The following OPCML variants were observed in gnomAD, a reference collection of about 807,000 sequenced individuals.
The protein encoded by OPCML is opioid-binding protein/cell adhesion molecule.
OPCML carries 13 observed loss-of-function variants against 37.8 expected under a neutral mutation model. The observed-to-expected ratio is 0.34, with a 90% CI of 0.22 to 0.55. The LOEUF (loss-of-function observed/expected upper bound fraction) is 0.55. Ranked by LOEUF, OPCML falls within the 20% of genes least tolerant of loss-of-function variation. OPCML has a pLI of 0.91. For missense variants in OPCML, 341 were observed against 435.6 expected, an observed-to-expected ratio of 0.78 and a Z score of 1.93; for synonymous variants, 176 against 168.8, an observed-to-expected ratio of 1.04 and a Z score of -0.33.
At chr11:133,400,715 C>T (rs534200361) in intron 1 of OPCML, among the ~76,000 whole-genome samples, 1 of 152,294 alleles carries the variant, frequency 6.6e-6, no homozygotes, top group African/African-American at 2.4e-5. Context: ...CAGCTAGGAG[C>T]AGTCTCCAAT....
intron 1 of OPCML, among the ~76,000 whole-genome samples, chr11:133,452,038 A>C (rs1946590035): frequency 6.6e-6 from 1 of 151,542 alleles, no homozygotes; most frequent in East Asian, 1.9e-4. Flanking sequence ...AAATCAATAC[A>C]TTCAGAAGAG....
intron 1 of OPCML, among the ~76,000 whole-genome samples, chr11:133,252,267 C>G (rs1381983799): frequency 6.6e-6 from 1 of 152,154 alleles, no homozygotes; most frequent in Non-Finnish European, 1.5e-5. Flanking sequence ...ACGTACAGCA[C>G]AATCTCCAGC....
At chr11:133,432,900 T>C (rs1034240408) in intron 1 of OPCML, among the ~76,000 whole-genome samples, 2 of 152,092 alleles carry the variant, frequency 1.3e-5, no homozygotes, top group African/African-American at 4.8e-5. Context: ...AAAAGAAATG[T>C]TGGGAATTTC....
chr11:133,044,341 C>T (rs1415596099), intron 1 of OPCML, among the ~76,000 whole-genome samples: 1 of 152,122 alleles, frequency 6.6e-6, no homozygotes, highest in Non-Finnish European at 1.5e-5. Flanking sequence ...TAAGCAATGG[C>T]CAGATCACGC....
intron 2 of OPCML, among the ~76,000 whole-genome samples, chr11:132,834,454 G>A (rs1428168256): frequency 6.6e-6 from 1 of 152,218 alleles, no homozygotes. Flanking sequence ...CTGAAGGGTA[G>A]AAGTCCAAAC....
At chr11:132,869,611 A>T (rs113535930) in intron 2 of OPCML, among the ~76,000 whole-genome samples, 1,892 of 152,340 alleles carry the variant, frequency 0.012, 19 homozygotes, top group Middle Eastern at 0.068. Flanking sequence ...CTCAAGAAGA[A>T]ATACAAAAAA....
rs147425927 is a variant in OPCML, at chr11:132,691,158, C to T, written c.147-33839G>A. Among the ~76,000 whole-genome samples, 325 of 152,272 alleles carry T rather than the reference C, an allele frequency of 2.1e-3. 1 individual carries two copies. Among genetic ancestry groups the T allele is most frequent in the Middle Eastern group, 3.4e-3 (1 of 294 alleles). ...GAAACGGAGCCACAGATAATTTCTCCTTTGTTCTTAAGATTGCTTTATATA... is the reference window on the plus strand; with the variant it reads ...GAAACGGAGCCACAGATAATTTCTCTTTTGTTCTTAAGATTGCTTTATATA... On this transcript the variant is annotated intron_variant, in intron 2 of 7. Coordinates refer to ENST00000524381, the MANE Select transcript of OPCML (RefSeq NM_001012393.5).
At chr11:132,476,572 C>A (rs558476642) in intron 4 of OPCML, among the ~76,000 whole-genome samples, 5 of 152,128 alleles carry the variant, frequency 3.3e-5, no homozygotes, top group Non-Finnish European at 7.3e-5. Flanking sequence ...CCATCATTCT[C>A]AGCAAACTAT....
At chr11:132,794,856 A>G (rs996344830) in intron 2 of OPCML, among the ~76,000 whole-genome samples, 1 of 151,842 alleles carries the variant, frequency 6.6e-6, no homozygotes, top group Non-Finnish European at 1.5e-5. Flanking sequence ...GAGTGAACCC[A>G]ATTTGACCTA....
intron 1 of OPCML, among the ~76,000 whole-genome samples, chr11:133,022,827 A>T (rs1947478513): frequency 6.6e-6 from 1 of 152,198 alleles, no homozygotes; most frequent in African/African-American, 2.4e-5. Context: ...AAGCTTACCC[A>T]TTAATTCCAG....
At chr11:133,286,367 G>A (rs112339478) in intron 1 of OPCML, among the ~76,000 whole-genome samples, 158 of 151,104 alleles carry the variant, frequency 1.0e-3, no homozygotes, top group African/African-American at 3.6e-3. Flanking sequence ...CTACTCGGGA[G>A]GTTGAGGCAG....
chr11:132,690,378 A>G (rs1295491689), intron 2 of OPCML, among the ~76,000 whole-genome samples: 1 of 152,230 alleles, frequency 6.6e-6, no homozygotes, highest in Admixed American at 6.5e-5. Context: ...CTCTAACAAG[A>G]TTAGATAATG....
At chr11:132,854,533 A>G (rs1941969534) in intron 2 of OPCML, among the ~76,000 whole-genome samples, 2 of 152,174 alleles carry the variant, frequency 1.3e-5, no homozygotes, top group South Asian at 4.1e-4. Context: ...GCTAAGCAGG[A>G]GCCCCCAGCC....
chr11:132,904,563 C>T (rs1210210422), intron 2 of OPCML, among the ~76,000 whole-genome samples: 1 of 152,228 alleles, frequency 6.6e-6, no homozygotes, highest in Non-Finnish European at 1.5e-5. Flanking sequence ...CCTCTGGGAA[C>T]TGACTATTGC....
chr11:132,501,308 GA>G (rs1331290029), intron 4 of OPCML, among the ~76,000 whole-genome samples: 1 of 152,156 alleles, frequency 6.6e-6, no homozygotes, highest in Non-Finnish European at 1.5e-5. Flanking sequence ...TACCATTCAG[GA>G]CGTAGGCATG....
At chr11:133,527,442 CA>C (rs1948512065) in intron 1 of OPCML, among the ~76,000 whole-genome samples, 1 of 152,174 alleles carries the variant, frequency 6.6e-6, no homozygotes, top group Admixed American at 6.5e-5. Flanking sequence ...ATTGTTTAAT[CA>C]GAACGTATAT....
intron 4 of OPCML, among the ~76,000 whole-genome samples, chr11:132,445,961 C>A (rs2096053721): frequency 1.3e-5 from 2 of 152,056 alleles, no homozygotes; most frequent in South Asian, 4.2e-4. Flanking sequence ...AAAAAGAAAT[C>A]TTGTGGTGGG....
At chr11:132,804,337 G>T (rs573588332) in intron 2 of OPCML, among the ~76,000 whole-genome samples, 1 of 152,160 alleles carries the variant, frequency 6.6e-6, no homozygotes, top group Non-Finnish European at 1.5e-5. Context: ...CAAAGCAGCT[G>T]GAGATTCTAG....
At chr11:132,436,968 C>T (rs2096015312) in intron 5 of OPCML, 189 bp from the exon 6 acceptor site, 1 of 957,958 alleles carries the variant, frequency 1.0e-6, no homozygotes, top group African/African-American at 1.8e-5. Flanking sequence ...CTGCATTGAC[C>T]CCAACCTCTT....
Sources: gnomAD v4.1 joint callset for allele counts (sites outside exome capture counted in the v4.1 genomes callset) on GRCh38, gnomAD v4.1.1 for gene constraint, MANE v1.5 for transcripts, NCBI Gene and HGNC (gene_info 2026-07-23, HGNC 2026-07-21) for gene names.